The following DOT1L variants were observed in gnomAD, a reference collection of about 807,000 sequenced individuals.
The protein encoded by DOT1L is histone-lysine N-methyltransferase, H3 lysine-79 specific.
In DOT1L, 33 loss-of-function variants were observed where a neutral mutation model predicts 153.3. The ratio of observed to expected loss-of-function variants is 0.22; its 90% CI spans 0.16 to 0.29. The LOEUF (loss-of-function observed/expected upper bound fraction) is 0.29, where lower values mean the gene tolerates loss of function less well. DOT1L is among the 10% of genes least tolerant of loss of function. DOT1L has a pLI of 1.00. For missense variants in DOT1L, 1,847 were observed against 2,119.9 expected (o/e 0.87, Z 2.53); for synonymous variants, 1,135 against 965.1 (o/e 1.18, Z -3.26).
At position 2,208,911 on chromosome 19, in the gene DOT1L, C is replaced by G; in HGVS notation, c.964-24C>G. The G allele has an allele frequency of 6.2e-7, 1 of 1,610,758 alleles. No individual in the cohort carries two copies. The highest frequency in any genetic ancestry group is 1.1e-5 in the South Asian group (1 of 90,582). ...ACAGAGATTGGGACTCCCTTCTAAT[C>G]AGGGTTCTCTTTCTTCTTTTTAGCT... On this transcript the variant is annotated intron_variant, in intron 11 of 27. Coordinates refer to ENST00000398665, the MANE Select transcript of DOT1L (RefSeq NM_032482.3). This position sits in a 1 kb window ranked among gnomAD's most constrained non-coding sequence, Gnocchi z 4.4.
chr19:2,225,973 G>C (rs548763511), intron 26 of DOT1L, among the ~76,000 whole-genome samples: 1 of 152,118 alleles, frequency 6.6e-6, no homozygotes, highest in African/African-American at 2.4e-5. Flanking sequence ...ATCTCATCCT[G>C]TGCTGTAGTC....
chr19:2,228,834 T>TCCTGGAGA lies in DOT1L; in HGVS notation c.4607-950_4607-943dup, dbSNP rs1238031619. The TCCTGGAGA allele has an allele frequency of 2.0e-5, 20 of 985,222 alleles. No individual in the cohort carries two copies. In the East Asian group the frequency reaches 2.3e-3, roughly 112 times the overall value. The allele number at this position is 985,222 out of a possible 1,614,324, so 61.0% of individuals were successfully genotyped here. ...GCAGGCACGGTGCCGGCTGCAGAGG[T>TCCTGGAGA]CCTGGAGAGCCAGGGTGGCTGGCTG... On this transcript the variant is annotated intron_variant, in intron 27 of 27. Transcript: ENST00000398665.
At chr19:2,169,273 T>C (rs1024687985) in intron 1 of DOT1L, among the ~76,000 whole-genome samples, 9 of 152,056 alleles carry the variant, frequency 5.9e-5, no homozygotes, top group African/African-American at 1.9e-4. Flanking sequence ...GTGTCCTGAG[T>C]AATCCCAGCT....
chr19:2,214,605 C>A lies in DOT1L; in HGVS notation c.1923+9C>A. The stretch of plus-strand genomic sequence containing the variant: ...ACTGCCTGGAGCTGCAGGTGGGCTG[C>A]GCGCGAGGCTGCACTCCGTGGTGTC... On this transcript the variant is annotated intron_variant, in intron 19 of 27. Coordinates refer to ENST00000398665, the MANE Select transcript of DOT1L (RefSeq NM_032482.3). 1.2e-6 allele frequency: 2 copies of A among 1,611,050 alleles called. No homozygotes were observed. Among genetic ancestry groups the A allele is most frequent in the Non-Finnish European group, 8.5e-7 (1 of 1,179,000 alleles).
At chr19:2,227,930 C>T in intron 27 of DOT1L, 1 of 1,194,926 alleles carries the variant, frequency 8.4e-7, no homozygotes, top group African/African-American at 1.7e-5. Flanking sequence ...CTCCGCCTCC[C>T]CCGCTGCCCC....
In DOT1L at chr19:2,180,766, C is replaced by A. The variant is rs369316040; in HGVS notation, c.125+10C>A. 1 of 1,613,760 alleles carries A rather than the reference C, an allele frequency of 6.2e-7. No individual in the cohort carries two copies. Among genetic ancestry groups the A allele is most frequent in the Non-Finnish European group, 8.5e-7 (1 of 1,179,966 alleles). ...TCATCGAGACCATCCGGTGAGTGCA[C>A]GGCCTGCAGTGTGTTGTCTTCACAG... On this transcript the variant is annotated intron_variant, in intron 2 of 27. Coordinates refer to ENST00000398665, the MANE Select transcript of DOT1L (RefSeq NM_032482.3).
intron 3 of DOT1L, 39 bp downstream of exon 3, chr19:2,185,968 A>G (rs1172273188): frequency 4.4e-6 from 7 of 1,590,822 alleles, no homozygotes; most frequent in Admixed American, 1.7e-5. Flanking sequence ...CTCCGAGGAC[A>G]GACTCGGCTC....
In DOT1L at chr19:2,231,603, TTGG is replaced by T. The variant is rs1205401598; in HGVS notation, c.*1814_*1816del. The T allele has an allele frequency of 1.5e-5, 3 of 200,300 alleles. No homozygotes were observed. Among genetic ancestry groups the T allele is most frequent in the African/African-American group, 6.9e-5 (3 of 43,304 alleles). 12.4% of individuals were successfully genotyped at this position (200,300 alleles called of 1,614,324 possible). The stretch of plus-strand genomic sequence containing the variant: ...TGCCCAGTGCCCTCCCCACCCCACG[TTGG>T]TGCTCTCAGCTAGAAGGTGCTGTGC... On this transcript the variant is annotated 3_prime_UTR_variant, in exon 28 of 28. Transcript: ENST00000398665.
At position 2,223,338 on chromosome 19, in the gene DOT1L, C is replaced by A. The variant is rs369451845; in HGVS notation, c.3448C>A (p.Leu1150Met). 3.7e-6 allele frequency: 6 copies of A among 1,613,664 alleles called. No homozygotes were observed. The African/African-American group carries it at 6.7e-5, about 18-fold the overall frequency. ...AGCCATCTCGTCCCCGGAGACCTCC[C>A]TGAAGAGCTCCCCTGTGCCCTACCA... is the stretch of plus-strand genomic sequence containing the variant. ...ITAISSPETS[L>M]KSSPVPYQDH... Residue 1150 changes from leucine to methionine, a missense_variant, in exon 25 of 28, where the codon CTG becomes ATG. Physicochemically the swap from Leu to Met is conservative, Grantham distance 15. Transcript: ENST00000398665.
At position 2,204,398 on chromosome 19, in the gene DOT1L, C is replaced by G. The variant is rs991182391; in HGVS notation, c.787+1619C>G. On this transcript the variant is annotated intron_variant, in intron 9 of 27. Coordinates refer to ENST00000398665, the MANE Select transcript of DOT1L (RefSeq NM_032482.3). This position sits in a 1 kb window ranked among gnomAD's most constrained non-coding sequence, Gnocchi z 5.7. ...TGTGGCAGTGGTGTTTCTGACTTATCTTAGAACCACGTGAGGACACCATGC... is the reference window on the plus strand; with the variant it reads ...TGTGGCAGTGGTGTTTCTGACTTATGTTAGAACCACGTGAGGACACCATGC... Among the ~76,000 whole-genome samples the G allele has an allele frequency of 6.6e-6, 1 of 152,056 alleles. No individual in the cohort carries two copies. The highest frequency in any genetic ancestry group is 6.6e-5 in the Admixed American group (1 of 15,262).
Position 2,226,928 on chromosome 19 carries a change from G to C in DOT1L, c.4407G>C (p.Pro1469=), listed in dbSNP as rs1313785172. The change falls in exon 27 of 28, where the codon CCG becomes CCC. Residue 1469 remains proline, a synonymous_variant. Coordinates refer to ENST00000398665, the MANE Select transcript of DOT1L (RefSeq NM_032482.3). ...QTHRSFLGPF[P]PGPQFALGPM... ...ACCGGTCCTTCCTGGGCCCCTTCCC[G>C]CCGGGACCGCAGTTCGCGCTCGGCC... is the stretch of plus-strand genomic sequence containing the variant. The C allele has an allele frequency of 1.3e-6, 2 of 1,581,044 alleles. No individual in the cohort carries two copies. Among genetic ancestry groups the C allele is most frequent in the Admixed American group, 1.7e-5 (1 of 57,534 alleles).
chr19:2,207,923 C>T lies in DOT1L; in HGVS notation c.963+243C>T, dbSNP rs2023566776. On this transcript the variant is annotated intron_variant, in intron 11 of 27. Coordinates refer to ENST00000398665, the MANE Select transcript of DOT1L (RefSeq NM_032482.3). The surrounding 1 kb of genome is among the most constrained non-coding windows in gnomAD (Gnocchi z 4.5). Reference sequence around the variant, plus strand: ...GGGTGAGGGCTGAGTGCTGTCTCCCCTAGTCTACGCTCAGCTCCTGGGGTG... The same window carrying T: ...GGGTGAGGGCTGAGTGCTGTCTCCCTTAGTCTACGCTCAGCTCCTGGGGTG... 6.6e-6 allele frequency among the ~76,000 whole-genome samples: 1 copy of T among 152,044 alleles called. No homozygotes were observed. Among genetic ancestry groups the T allele is most frequent in the Admixed American group, 6.5e-5 (1 of 15,284 alleles).
intron 1 of DOT1L, among the ~76,000 whole-genome samples, chr19:2,175,416 T>C (rs1367452938): frequency 6.6e-6 from 1 of 152,232 alleles, no homozygotes; most frequent in Admixed American, 6.5e-5. Context: ...TCCTCCTGCC[T>C]CAGCCTCCTA....
In DOT1L at chr19:2,216,490, C is replaced by G; in HGVS notation, c.2133C>G (p.Leu711=). 6.2e-7 allele frequency: 1 copy of G among 1,612,678 alleles called. No individual in the cohort carries two copies. ...ACTTGAGCAGCATGAGCCCGGAGCT[C>G]TCCATGAACGGCCAGGCTGCTGGCT... The part of the protein sequence containing the change: ...LPHLSSMSPE[L]SMNGQAAGYE... The change falls in exon 20 of 28, where the codon CTC becomes CTG. Residue 711 remains leucine (L), a synonymous_variant. Transcript: ENST00000398665.
At chr19:2,164,464 G>A in intron 1 of DOT1L, 199 bp downstream of exon 1, 1 of 353,570 alleles carries the variant, frequency 2.8e-6, no homozygotes, top group East Asian at 4.2e-5. Context: ...GGAGCCCCGC[G>A]CGCCTGGGGT....
intron 16 of DOT1L, 72 bp from the exon 17 acceptor site, chr19:2,213,467 G>T (rs2023783410): frequency 2.7e-6 from 4 of 1,484,124 alleles, no homozygotes; most frequent in African/African-American, 2.8e-5. Context: ...TGAGAGGCAG[G>T]GCGTGGGCCC....
At chr19:2,223,218 G>T (rs2024195906) in intron 24 of DOT1L, 63 bp from the exon 25 acceptor site, 2 of 1,571,582 alleles carry the variant, frequency 1.3e-6, no homozygotes, top group Middle Eastern at 3.4e-4. Flanking sequence ...GGGCGGGGGG[G>T]CTCTCCTGCC....
chr19:2,167,498 G>C (rs765129791), intron 1 of DOT1L, among the ~76,000 whole-genome samples: 1 of 152,226 alleles, frequency 6.6e-6, no homozygotes, highest in African/African-American at 2.4e-5. Context: ...GGACTGTGCC[G>C]TGTCTTTCCC....
chr19:2,207,102 T>A lies in DOT1L; in HGVS notation c.856+305T>A, dbSNP rs1222434334. On this transcript the variant is annotated intron_variant, in intron 10 of 27. Coordinates refer to ENST00000398665, the MANE Select transcript of DOT1L (RefSeq NM_032482.3). This position sits in a 1 kb window ranked among gnomAD's most constrained non-coding sequence, Gnocchi z 4.5. ...GAGGCGTGAAGGATTTACAGGACTT[T>A]TGTGGACAGAGACAGGCCCACGGTG... is the stretch of plus-strand genomic sequence containing the variant. 1.3e-5 allele frequency among the ~76,000 whole-genome samples: 2 copies of A among 152,204 alleles called. No individual in the cohort carries two copies.
Sources: allele counts gnomAD v4.1 joint callset (sites outside exome capture counted in the v4.1 genomes callset), GRCh38; gene constraint gnomAD v4.1.1; non-coding constraint Gnocchi (gnomAD v3.1); transcripts MANE v1.5; gene names NCBI Gene and HGNC (gene_info 2026-07-23, HGNC 2026-07-21).